Variants in DDX10 observed in about 807,000 individuals in gnomAD.
The protein encoded by DDX10 is probable ATP-dependent RNA helicase DDX10.
Under a neutral mutation model 104.3 loss-of-function variants are expected in DDX10, and 74 were observed. The ratio of observed to expected loss-of-function variants is 0.71; its 90% CI spans 0.59 to 0.86. DDX10 has a LOEUF of 0.86. Ranked by LOEUF, DDX10 falls within the 40% of genes least tolerant of loss-of-function variation. DDX10 has a pLI of 0.00. For synonymous variants in DDX10, 351 were observed against 353.4 expected, an observed-to-expected ratio of 0.99 and a Z score of 0.08; for missense variants, 952 against 1,040.0, an observed-to-expected ratio of 0.92 and a Z score of 1.16.
intron 10 of DDX10, among the ~76,000 whole-genome samples, chr11:108,711,564 C>A (rs1283235405): frequency 6.6e-6 from 1 of 152,186 alleles, no homozygotes; most frequent in African/African-American, 2.4e-5. Context: ...AACTCCCGAC[C>A]CCAGGTGATC....
At chr11:108,837,495 T>A (rs1862570974) in intron 13 of DDX10, among the ~76,000 whole-genome samples, 1 of 151,998 alleles carries the variant, frequency 6.6e-6, no homozygotes, top group Admixed American at 6.6e-5. Context: ...TTAGCATAAG[T>A]AAGCAGTGGC....
chr11:108,735,347 C>T (rs1182017674), intron 13 of DDX10, among the ~76,000 whole-genome samples: 1 of 152,094 alleles, frequency 6.6e-6, no homozygotes, highest in Admixed American at 6.6e-5. Flanking sequence ...GCAAAACCAA[C>T]AGTATTCCCT....
intron 16 of DDX10, among the ~76,000 whole-genome samples, chr11:108,898,802 G>A (rs150499985): frequency 6.6e-6 from 1 of 152,160 alleles, no homozygotes; most frequent in Non-Finnish European, 1.5e-5. Context: ...GTGGCGTCCA[G>A]AAGAGCAGAG....
intron 10 of DDX10, among the ~76,000 whole-genome samples, chr11:108,709,568 C>T (rs2094281228): frequency 6.6e-6 from 1 of 152,146 alleles, no homozygotes; most frequent in Admixed American, 6.5e-5. Context: ...AATATGTGGG[C>T]ATAGAGGTGT....
At chr11:108,874,660 C>A (rs1863128508) in intron 16 of DDX10, among the ~76,000 whole-genome samples, 1 of 152,000 alleles carries the variant, frequency 6.6e-6, no homozygotes, top group African/African-American at 2.4e-5. Flanking sequence ...GTGACAGTTG[C>A]TTTTAGAGTG....
At chr11:108,706,619 C>T (rs1261408506) in intron 9 of DDX10, 120 bp from the exon 10 acceptor site, 2 of 738,774 alleles carry the variant, frequency 2.7e-6, no homozygotes, top group Admixed American at 2.1e-5. Flanking sequence ...GATTAAAAGC[C>T]AGTCTCTGAC....
intron 13 of DDX10, among the ~76,000 whole-genome samples, chr11:108,727,962 G>T: frequency 6.6e-6 from 1 of 151,608 alleles, no homozygotes. Context: ...GGTTAAAGAT[G>T]AGTGAAAACA....
intron 9 of DDX10, 69 bp from the exon 10 acceptor site, chr11:108,706,670 C>T: frequency 8.4e-7 from 1 of 1,190,980 alleles, no homozygotes; most frequent in South Asian, 1.2e-5. Flanking sequence ...TTTACCTATG[C>T]ATCACTCTGT....
Position 108,905,212 on chromosome 11 carries a change from T to C in DDX10, c.2305-12661T>C, listed in dbSNP as rs181268173. On this transcript the variant is annotated intron_variant, in intron 16 of 17. Transcript: ENST00000322536. ...TAATCTAAAGCTCTCCTGAACCTGTTATAATAGATTCCATACAAAGATCTT... is the reference window on the plus strand; with the variant it reads ...TAATCTAAAGCTCTCCTGAACCTGTCATAATAGATTCCATACAAAGATCTT... Among the ~76,000 whole-genome samples, 4 of 151,690 alleles carry C rather than the reference T, an allele frequency of 2.6e-5. No homozygotes were observed. In the East Asian group the frequency reaches 7.8e-4, roughly 30 times the overall value.
chr11:108,683,127 C>T (rs962810728), intron 6 of DDX10, among the ~76,000 whole-genome samples: 7 of 152,274 alleles, frequency 4.6e-5, no homozygotes, highest in Middle Eastern at 3.4e-3. Context: ...TTCTCAGGGT[C>T]TCAACCAAAA....
intron 13 of DDX10, among the ~76,000 whole-genome samples, chr11:108,837,275 C>T (rs1221274666): frequency 2.0e-5 from 3 of 152,158 alleles, no homozygotes; most frequent in Non-Finnish European, 2.9e-5. Context: ...TGCTCAAATA[C>T]ATTTTCCTAA....
intron 10 of DDX10, among the ~76,000 whole-genome samples, chr11:108,715,319 G>T (rs1040273916): frequency 1.3e-5 from 2 of 152,158 alleles, no homozygotes; most frequent in African/African-American, 4.8e-5. Context: ...TTCCAGACCA[G>T]CCTGGGCAAA....
intron 16 of DDX10, among the ~76,000 whole-genome samples, chr11:108,892,878 A>G (rs923016309): frequency 6.6e-6 from 1 of 152,102 alleles, no homozygotes; most frequent in Non-Finnish European, 1.5e-5. Flanking sequence ...GGCCCTTACT[A>G]TTATTCTCAC....
At chr11:108,887,447 G>T in intron 16 of DDX10, among the ~76,000 whole-genome samples, 1 of 150,294 alleles carries the variant, frequency 6.7e-6, no homozygotes, top group South Asian at 2.2e-4. Context: ...CTTTGTTCTA[G>T]TTCTGTCATT....
chr11:108,684,176 C>CTTTTTTTTTTTTTTTTTT (rs55949043), intron 6 of DDX10, among the ~76,000 whole-genome samples: 1 of 26,672 alleles, frequency 3.7e-5, no homozygotes, highest in Non-Finnish European at 6.3e-5. Flanking sequence ...TATAGATTTT[C>CTTTTTTTTTTTTTTTTTT]TTTTTTTTTT....
intron 9 of DDX10, among the ~76,000 whole-genome samples, chr11:108,698,585 G>C (rs768875838): frequency 1.3e-5 from 2 of 152,166 alleles, no homozygotes; most frequent in Non-Finnish European, 2.9e-5. Flanking sequence ...TTTCTTAGGA[G>C]TCTATTTCCC....
intron 7 of DDX10, chr11:108,690,726 T>G (rs2094251276): frequency 5.1e-6 from 1 of 197,164 alleles, no homozygotes; most frequent in Non-Finnish European, 1.0e-5. Context: ...CCCAGGAAAA[T>G]GTCAAGGACC....
chr11:108,826,933 T>G (rs1862403490), intron 13 of DDX10, among the ~76,000 whole-genome samples: 1 of 152,216 alleles, frequency 6.6e-6, no homozygotes, highest in African/African-American at 2.4e-5. Flanking sequence ...CTTAAATTAA[T>G]AGAAATTCGA....
intron 16 of DDX10, among the ~76,000 whole-genome samples, chr11:108,856,416 G>A (rs1336309101): frequency 6.6e-6 from 1 of 151,760 alleles, no homozygotes; most frequent in African/African-American, 2.4e-5. Flanking sequence ...GGGTGACAGA[G>A]CGAGACTCTG....
Sources: allele counts gnomAD v4.1 joint callset (sites outside exome capture counted in the v4.1 genomes callset), GRCh38; gene constraint gnomAD v4.1.1; transcripts MANE v1.5; gene names NCBI Gene and HGNC (gene_info 2026-07-23, HGNC 2026-07-21).